The following OPCML variants were observed in gnomAD, a reference collection of about 807,000 sequenced individuals.
The protein encoded by OPCML is opioid binding protein/cell adhesion molecule like, also known as opioid-binding protein/cell adhesion molecule.
OPCML carries 13 observed loss-of-function variants against 37.8 expected under a neutral mutation model. That is an observed-to-expected ratio of 0.34 (90% CI 0.22 to 0.55). The LOEUF is 0.55. Among genes scored for constraint, OPCML ranks in the 20% least tolerant of loss-of-function variants. The pLI, the probability that OPCML is intolerant of heterozygous loss-of-function variation, is 0.91. For synonymous variants in OPCML, 176 were observed against 168.8 expected, an observed-to-expected ratio of 1.04 and a Z score of -0.33; for missense variants, 341 against 435.6, an observed-to-expected ratio of 0.78 and a Z score of 1.93.
At chr11:133,448,535 G>A (rs1365792850) in intron 1 of OPCML, among the ~76,000 whole-genome samples, 4 of 152,104 alleles carry the variant, frequency 2.6e-5, no homozygotes, top group East Asian at 3.9e-4. Context: ...TCGACTCACC[G>A]CAACCTCCAC....
intron 4 of OPCML, among the ~76,000 whole-genome samples, chr11:132,512,961 A>T (rs1414256342): frequency 6.6e-6 from 1 of 151,996 alleles, no homozygotes; most frequent in Non-Finnish European, 1.5e-5. Flanking sequence ...AGCTGCGGTA[A>T]TTTAAATTAT....
At chr11:132,858,739 G>A (rs1443067993) in intron 2 of OPCML, among the ~76,000 whole-genome samples, 1 of 152,126 alleles carries the variant, frequency 6.6e-6, no homozygotes, top group East Asian at 1.9e-4. Flanking sequence ...ACATATGCAA[G>A]TGTTTTTAAA....
At chr11:132,803,839 T>C (rs909047196) in intron 2 of OPCML, among the ~76,000 whole-genome samples, 2 of 152,224 alleles carry the variant, frequency 1.3e-5, no homozygotes, top group African/African-American at 2.4e-5. Context: ...ATTAGAGTGC[T>C]GTTGTAAGAA....
At chr11:132,762,383 C>T (rs527370124) in intron 2 of OPCML, among the ~76,000 whole-genome samples, 9 of 152,196 alleles carry the variant, frequency 5.9e-5, no homozygotes, top group African/African-American at 1.7e-4. Flanking sequence ...CAGGCAGGAA[C>T]GTTTAAGTCT....
At chr11:132,498,431 C>T (rs558614084) in intron 4 of OPCML, among the ~76,000 whole-genome samples, 1 of 152,186 alleles carries the variant, frequency 6.6e-6, no homozygotes, top group Non-Finnish European at 1.5e-5. Context: ...AGGAAACACA[C>T]TGGTCACAAC....
chr11:132,778,422 A>G (rs1946880555), intron 2 of OPCML, among the ~76,000 whole-genome samples: 1 of 152,268 alleles, frequency 6.6e-6, no homozygotes. Context: ...ATGGAAGATT[A>G]AAAAGTAAAA....
At chr11:132,552,907 A>G (rs2096385551) in intron 3 of OPCML, among the ~76,000 whole-genome samples, 1 of 151,746 alleles carries the variant, frequency 6.6e-6, no homozygotes, top group South Asian at 2.1e-4. Context: ...CTGGGACTAC[A>G]GGTGCCCGCC....
At chr11:132,789,084 C>T (rs1937719217) in intron 2 of OPCML, among the ~76,000 whole-genome samples, 1 of 152,166 alleles carries the variant, frequency 6.6e-6, no homozygotes, top group African/African-American at 2.4e-5. Context: ...AGCCTTTGAA[C>T]ATGCCATTCC....
At chr11:132,850,133 TGAAGTAATC>T (rs1941737746) in intron 2 of OPCML, among the ~76,000 whole-genome samples, 1 of 152,106 alleles carries the variant, frequency 6.6e-6, no homozygotes, top group Admixed American at 6.5e-5. Flanking sequence ...TCCCTCTAAG[TGAAGTAATC>T]CTTCAAAGAG....
intron 4 of OPCML, among the ~76,000 whole-genome samples, chr11:132,490,846 C>T (rs547587562): frequency 1.3e-5 from 2 of 151,462 alleles, no homozygotes; most frequent in Non-Finnish European, 2.9e-5. Flanking sequence ...AAATGAAGAA[C>T]CTGTGTCTTC....
At chr11:133,418,167 T>C (rs1945808495) in intron 1 of OPCML, 1 of 985,362 alleles carries the variant, frequency 1.0e-6, no homozygotes, top group East Asian at 1.1e-4. Flanking sequence ...TGGAAAATAC[T>C]CTCGCCTGTC....
intron 3 of OPCML, among the ~76,000 whole-genome samples, chr11:132,607,591 C>T (rs893441644): frequency 2.0e-5 from 3 of 152,126 alleles, no homozygotes; most frequent in Non-Finnish European, 2.9e-5. Flanking sequence ...CCTTAAACCA[C>T]CTGCTTTTCT....
intron 2 of OPCML, among the ~76,000 whole-genome samples, chr11:132,711,660 T>C (rs1944267010): frequency 1.3e-5 from 2 of 152,192 alleles, no homozygotes; most frequent in Admixed American, 1.3e-4. Context: ...TGTGAGTGTG[T>C]ATGTATGTAT....
intron 4 of OPCML, among the ~76,000 whole-genome samples, chr11:132,523,301 T>C (rs931707293): frequency 6.6e-6 from 1 of 152,208 alleles, no homozygotes; most frequent in Non-Finnish European, 1.5e-5. Flanking sequence ...TTTGCTAGTA[T>C]TAGCTCTTTA....
rs568811444 is a variant in OPCML at position 132,523,838 on chromosome 11, A to G, written c.505+5223T>C. Among the ~76,000 whole-genome samples the G allele has an allele frequency of 1.1e-4, 16 of 152,328 alleles. No homozygotes were observed. In the South Asian group the frequency reaches 3.1e-3, roughly 30 times the overall value. On this transcript the variant is annotated intron_variant, in intron 4 of 7. Coordinates refer to ENST00000524381, the MANE Select transcript of OPCML (RefSeq NM_001012393.5). ...TAGAAATAACTTGAGTAAATGCATA[A>G]AAGAGTCAGCTTTGGTTACCTGGAA...
intron 1 of OPCML, among the ~76,000 whole-genome samples, chr11:133,146,602 C>T (rs571937213): frequency 4.6e-5 from 7 of 152,196 alleles, no homozygotes; most frequent in Admixed American, 2.0e-4. Flanking sequence ...CATGAGCCAA[C>T]GTGCCTGGCC....
intron 1 of OPCML, among the ~76,000 whole-genome samples, chr11:133,163,770 G>A (rs1016336599): frequency 2.0e-5 from 3 of 152,228 alleles, no homozygotes; most frequent in South Asian, 2.1e-4. Flanking sequence ...CTTTAATTCC[G>A]CTATAATTAT....
At chr11:133,252,800 T>C (rs1329007956) in intron 1 of OPCML, among the ~76,000 whole-genome samples, 1 of 152,246 alleles carries the variant, frequency 6.6e-6, no homozygotes, top group Admixed American at 6.5e-5. Context: ...AATTTCCCCA[T>C]GAAGCACAAC....
chr11:132,577,724 C>T (rs1310819846), intron 3 of OPCML, among the ~76,000 whole-genome samples: 1 of 152,204 alleles, frequency 6.6e-6, no homozygotes, highest in Non-Finnish European at 1.5e-5. Flanking sequence ...AACACCACCT[C>T]TGCTTTTCAG....
Sources: allele counts gnomAD v4.1 joint callset (sites outside exome capture counted in the v4.1 genomes callset), GRCh38; gene constraint gnomAD v4.1.1; transcripts MANE v1.5; gene names NCBI Gene and HGNC (gene_info 2026-07-23, HGNC 2026-07-21).